SNTG2: variants seen among roughly 807,000 people sequenced by gnomAD.
The protein encoded by SNTG2 is syntrophin gamma 2, also known as gamma-2-syntrophin.
Under a neutral mutation model 70.9 loss-of-function variants are expected in SNTG2, and 74 were observed. The ratio of observed to expected loss-of-function variants is 1.04; its 90% CI spans 0.86 to 1.27. SNTG2 has a LOEUF of 1.27. Ranked by LOEUF, SNTG2 falls within the 50% of genes most tolerant of loss-of-function variation. The pLI is 0.00. For synonymous variants in SNTG2, 278 were observed against 273.8 expected (o/e 1.02, Z -0.15); for missense variants, 717 against 690.7 (o/e 1.04, Z -0.43).
intron 8 of SNTG2, among the ~76,000 whole-genome samples, chr2:1,196,299 A>C (rs769123285): frequency 1.1e-4 from 16 of 152,202 alleles, no homozygotes; most frequent in African/African-American, 3.9e-4. Flanking sequence ...ACTTGAAGAC[A>C]GGTCTTCTGA....
intron 1 of SNTG2, among the ~76,000 whole-genome samples, chr2:1,006,329 AT>A (rs753412527): frequency 1.3e-5 from 2 of 152,148 alleles, no homozygotes; most frequent in African/African-American, 4.8e-5. Flanking sequence ...AAGAAAAAAA[AT>A]GCATTGATTA....
intron 6 of SNTG2, among the ~76,000 whole-genome samples, chr2:1,159,600 A>AG (rs1339578622): frequency 6.6e-6 from 1 of 152,208 alleles, no homozygotes; most frequent in Non-Finnish European, 1.5e-5. Context: ...GAAGACTGGT[A>AG]ATTTGTAGAT....
intron 4 of SNTG2, among the ~76,000 whole-genome samples, chr2:1,121,133 C>T (rs1429609172): frequency 6.6e-6 from 1 of 151,914 alleles, no homozygotes; most frequent in Non-Finnish European, 1.5e-5. Context: ...AGAAATTAAA[C>T]AGTATTGCCC....
chr2:1,222,476 C>A (rs1675330602), intron 9 of SNTG2, among the ~76,000 whole-genome samples: 1 of 141,434 alleles, frequency 7.1e-6, no homozygotes, highest in Non-Finnish European at 1.5e-5. Flanking sequence ...TGCTGGATCG[C>A]TGTAGAGGAA....
chr2:1,209,287 G>C (rs760010948), intron 9 of SNTG2, 57 bp downstream of exon 9: 13 of 1,607,362 alleles, frequency 8.1e-6, no homozygotes, highest in Non-Finnish European at 1.1e-5. Context: ...ACTTTTGCCA[G>C]TTCCTACAGG....
intron 1 of SNTG2, among the ~76,000 whole-genome samples, chr2:986,426 G>C (rs1261344638): frequency 6.6e-6 from 1 of 152,208 alleles, no homozygotes. Flanking sequence ...AGTTGAACTA[G>C]ACTAACAGAT....
intron 9 of SNTG2, 146 bp downstream of exon 9, chr2:1,209,376 T>A: frequency 9.9e-7 from 1 of 1,010,678 alleles, no homozygotes; most frequent in Non-Finnish European, 1.5e-6. Flanking sequence ...GCATTTGGAA[T>A]AAACAAGTTA....
chr2:1,001,324 A>C (rs925894099), intron 1 of SNTG2, among the ~76,000 whole-genome samples: 1 of 152,098 alleles, frequency 6.6e-6, no homozygotes, highest in South Asian at 2.1e-4. Context: ...GAGGATGTCA[A>C]ATTATCTCTG....
rs1272171853 is a variant in SNTG2, at chr2:1,222,087, C to T, written c.719+12857C>T. Among the ~76,000 whole-genome samples the T allele has an allele frequency of 3.5e-3, 68 of 19,156 alleles. 17 individuals are homozygous for T. The highest frequency in any genetic ancestry group is 3.8e-3 in the African/African-American group (24 of 6,338). 12.6% of individuals were successfully genotyped at this position (19,156 alleles called of 152,430 possible). On this transcript the variant is annotated intron_variant, in intron 9 of 16. Transcript: ENST00000308624. ...TGTTTCTCTCTGTCTCTGTCTCTGT[C>T]TCTCTCTGTCTCTCTCTGTCTCTCT...
intron 1 of SNTG2, among the ~76,000 whole-genome samples, chr2:1,029,741 T>C (rs979897900): frequency 6.6e-6 from 1 of 152,208 alleles, no homozygotes; most frequent in African/African-American, 2.4e-5. Flanking sequence ...CATCCTCTGC[T>C]AAGTCAGCCC....
At chr2:1,304,399 GGCATCCT>G (rs555116019) in intron 14 of SNTG2, among the ~76,000 whole-genome samples, 69 of 152,250 alleles carry the variant, frequency 4.5e-4, no homozygotes, top group African/African-American at 1.5e-3. Context: ...GCACGGCTGT[GGCATCCT>G]GTTCTTGGTG....
rs2148135229 is a variant in SNTG2 at position 1,249,039 on chromosome 2, T to G, written c.1005+1596T>G. 1.3e-5 allele frequency among the ~76,000 whole-genome samples: 2 copies of G among 152,320 alleles called. 1 individual carries two copies. Among genetic ancestry groups the G allele is most frequent in the Middle Eastern group, 6.8e-3 (2 of 294 alleles). On this transcript the variant is annotated intron_variant, in intron 12 of 16. Transcript: ENST00000308624. ...CCAACTCATCTCAGCAAGGCCCGGC[T>G]GGTAAACTGATTGCAGCGTCACAAA... is the stretch of plus-strand genomic sequence containing the variant.
At chr2:963,232 C>G (rs1572168466) in intron 1 of SNTG2, among the ~76,000 whole-genome samples, 1 of 151,848 alleles carries the variant, frequency 6.6e-6, no homozygotes, top group Admixed American at 6.6e-5. Flanking sequence ...AAAATAGGTA[C>G]TTTTGAAAAT....
At chr2:1,066,886 G>A (rs532059130) in intron 1 of SNTG2, among the ~76,000 whole-genome samples, 127 of 152,180 alleles carry the variant, frequency 8.3e-4, no homozygotes, top group Non-Finnish European at 1.5e-3. Flanking sequence ...TCAGTTGGTC[G>A]TCAACTTCCA....
At chr2:1,095,113 C>T (rs1021740998) in intron 2 of SNTG2, among the ~76,000 whole-genome samples, 14 of 151,890 alleles carry the variant, frequency 9.2e-5, no homozygotes, top group African/African-American at 1.9e-4. Context: ...AGAGAGAGAG[C>T]GCTGTATCTG....
chr2:1,201,538 T>G (rs774785886), intron 8 of SNTG2, among the ~76,000 whole-genome samples: 36 of 151,890 alleles, frequency 2.4e-4, no homozygotes, highest in Non-Finnish European at 4.7e-4. Context: ...TATTTTGAAA[T>G]GCATATTTCA....
chr2:1,031,593 C>T (rs1377820617), intron 1 of SNTG2, among the ~76,000 whole-genome samples: 9 of 137,040 alleles, frequency 6.6e-5, no homozygotes, highest in South Asian at 2.4e-4. Context: ...TGCAGTGGTG[C>T]GATCTTGGCT....
chr2:1,205,030 C>T (rs1673541752), intron 8 of SNTG2, among the ~76,000 whole-genome samples: 1 of 152,068 alleles, frequency 6.6e-6, no homozygotes, highest in Admixed American at 6.6e-5. Context: ...TAGAAAAAGA[C>T]CATGAGAAAT....
At chr2:1,279,054 CACCCCTCTGTCAGTGCGCGAATG>C (rs375251116) in intron 14 of SNTG2, among the ~76,000 whole-genome samples, 35,047 of 131,910 alleles carry the variant, frequency 0.27, 4,544 homozygotes, top group East Asian at 0.52. Flanking sequence ...GTGCGCGATT[CACCCCTCTGTCAGTGCGCGAATG>C]ACCCCTCTGT....
Sources: gnomAD v4.1 joint callset for allele counts (sites outside exome capture counted in the v4.1 genomes callset) on GRCh38, gnomAD v4.1.1 for gene constraint, MANE v1.5 for transcripts, NCBI Gene and HGNC (gene_info 2026-07-23, HGNC 2026-07-21) for gene names.